Variants in CYTH4 observed in about 807,000 individuals in gnomAD.
The protein encoded by CYTH4 is cytohesin 4, also known as cytohesin-4.
Under a neutral mutation model 57.5 loss-of-function variants are expected in CYTH4, and 22 were observed. The ratio of observed to expected loss-of-function variants is 0.38; its 90% CI spans 0.27 to 0.55. CYTH4 has a LOEUF of 0.55. CYTH4 is among the 20% of genes least tolerant of loss of function. The pLI is 0.74. For missense variants in CYTH4, 420 were observed against 535.6 expected (o/e 0.78, Z 2.13); for synonymous variants, 186 against 206.5 (o/e 0.90, Z 0.85).
At position 37,295,995 on chromosome 22, in the gene CYTH4, A is replaced by G. The variant is rs904789653; in HGVS notation, c.168-4A>G. ...AGCCCAAGCTGACGTCCTCATGTCC[A>G]CAGCCGGATGGCCCAGAAGGAGAAG... On this transcript the variant is annotated splice_region_variant and splice_polypyrimidine_tract_variant and intron_variant, in intron 3 of 12. Coordinates refer to ENST00000248901, the MANE Select transcript of CYTH4 (RefSeq NM_013385.5). The surrounding 1 kb of genome is among the most constrained non-coding windows in gnomAD (Gnocchi z 4.1). The G allele has an allele frequency of 6.2e-7, 1 of 1,612,326 alleles. No individual in the cohort carries two copies. The highest frequency in any genetic ancestry group is 2.2e-5 in the East Asian group (1 of 44,836).
At chr22:37,293,313 T>C (rs959827628) in intron 2 of CYTH4, among the ~76,000 whole-genome samples, 2 of 152,224 alleles carry the variant, frequency 1.3e-5, no homozygotes, top group African/African-American at 2.4e-5. Flanking sequence ...TGCTGTTTCA[T>C]TGAGCACCTA....
At chr22:37,288,664 G>C (rs116695801) in intron 1 of CYTH4, among the ~76,000 whole-genome samples, 1 of 152,020 alleles carries the variant, frequency 6.6e-6, no homozygotes, top group Non-Finnish European at 1.5e-5. Context: ...CCCTCAGCTC[G>C]TAGACCCTTG....
intron 7 of CYTH4, among the ~76,000 whole-genome samples, chr22:37,301,682 C>CTTTT (rs71798839): frequency 6.0e-5 from 3 of 50,346 alleles, no homozygotes; most frequent in African/African-American, 1.4e-4. Context: ...CCACTCAATC[C>CTTTT]TTTTTTTTTT....
chr22:37,311,491 C>A lies in CYTH4; in HGVS notation c.921C>A (p.Asn307Lys). 1 of 1,614,104 alleles carries A rather than the reference C, an allele frequency of 6.2e-7. No homozygotes were observed. The highest frequency in any genetic ancestry group is 8.5e-7 in the Non-Finnish European group (1 of 1,180,024). ...CACGGGGAATTATACCTCTTGAGAA[C>A]CTCTCGGTGCAGAAGGTGGATGACC... Reference protein sequence around the residue: ...KEPRGIIPLENLSVQKVDDPK... With the variant: ...KEPRGIIPLEKLSVQKVDDPK... The change falls in exon 11 of 13, where the codon AAC becomes AAA. Residue 307 changes from asparagine to lysine, a missense_variant. Physicochemically the swap from Asn to Lys is moderately conservative, Grantham distance 94. Coordinates refer to ENST00000248901, the MANE Select transcript of CYTH4 (RefSeq NM_013385.5). This position sits in a 1 kb window ranked among gnomAD's most constrained non-coding sequence, Gnocchi z 4.4.
In CYTH4 at chr22:37,309,277, T is replaced by C. The variant is rs145053771; in HGVS notation, c.762T>C (p.Thr254=). 571 of 1,613,964 alleles carry C rather than the reference T, an allele frequency of 3.5e-4. No individual in the cohort carries two copies. Among genetic ancestry groups the C allele is most frequent in the Non-Finnish European group, 4.6e-4 (537 of 1,179,982 alleles). ...SIPEDDGNDL[T]HTFFNPDREG... is the part of the protein sequence containing the mutation. ...CTGAGGACGACGGCAATGACCTCAC[T>C]CACACCTTCTTCAATCCAGACCGGG... Residue 254 remains threonine, a synonymous_variant, in exon 9 of 13, where the codon ACT becomes ACC. Transcript: ENST00000248901.
intron 8 of CYTH4, chr22:37,304,339 G>A (rs746247190): frequency 2.0e-5 from 9 of 450,756 alleles, no homozygotes; most frequent in Middle Eastern, 3.9e-4. Context: ...GAGGGTCCAG[G>A]GCTTCCAATG....
chr22:37,308,401 C>A (rs1929480905), intron 8 of CYTH4, among the ~76,000 whole-genome samples: 1 of 150,966 alleles, frequency 6.6e-6, no homozygotes, highest in African/African-American at 2.4e-5. Flanking sequence ...AGTGTGCATG[C>A]ATGTATAAGA....
At chr22:37,308,968 G>GAGGGA (rs1929531180) in intron 8 of CYTH4, among the ~76,000 whole-genome samples, 1 of 152,128 alleles carries the variant, frequency 6.6e-6, no homozygotes, top group South Asian at 2.1e-4. Flanking sequence ...CAGTAGCACA[G>GAGGGA]AGGGAAGCAT....
In CYTH4 at chr22:37,312,263, G is replaced by A. The variant is rs964457326; in HGVS notation, c.1112+89G>A. 6.6e-6 allele frequency: 10 copies of A among 1,522,286 alleles called. No homozygotes were observed. In the African/African-American group the frequency reaches 1.1e-4, roughly 17 times the overall value. 94.3% of individuals were successfully genotyped at this position (1,522,286 alleles called of 1,614,324 possible). A position where few individuals can be genotyped will look rare whatever the true frequency, so the allele number is the denominator to read the frequency against. Reference sequence around the variant, plus strand: ...GGTCTTGCTTCCTTATCTGTAAAGGGGCTAACTCCAGTCTCTCCCTCCTGT... The same window carrying A: ...GGTCTTGCTTCCTTATCTGTAAAGGAGCTAACTCCAGTCTCTCCCTCCTGT... On this transcript the variant is annotated intron_variant, in intron 12 of 12. Coordinates refer to ENST00000248901, the MANE Select transcript of CYTH4 (RefSeq NM_013385.5).
In CYTH4 at chr22:37,311,140, A is replaced by C. The variant is rs1929625662; in HGVS notation, c.885+76A>C. On this transcript the variant is annotated intron_variant, in intron 10 of 12. Coordinates refer to ENST00000248901, the MANE Select transcript of CYTH4 (RefSeq NM_013385.5). The surrounding 1 kb of genome is among the most constrained non-coding windows in gnomAD (Gnocchi z 4.4). ...ACCCACTTCCCAACTCCCACTGAGC[A>C]GTCGACTCACACAGCTTTGGATCCT... 1 of 1,488,880 alleles carries C rather than the reference A, an allele frequency of 6.7e-7. No homozygotes were observed. The highest frequency in any genetic ancestry group is 9.4e-7 in the Non-Finnish European group (1 of 1,068,912). The allele number at this position is 1,488,880 out of a possible 1,614,324, so 92.2% of individuals were successfully genotyped here.
intron 5 of CYTH4, 123 bp downstream of exon 5, chr22:37,297,805 G>T (rs1345714691): frequency 1.3e-6 from 1 of 776,162 alleles, no homozygotes; most frequent in Non-Finnish European, 2.2e-6. Context: ...GTGCTTGAGG[G>T]GCTCACGGAT....
chr22:37,292,128 A>G (rs1329674545), intron 1 of CYTH4: 1 of 153,370 alleles, frequency 6.5e-6, no homozygotes, highest in Non-Finnish European at 1.5e-5. Flanking sequence ...GGCCAATGGG[A>G]TGTGAGGAAA....
chr22:37,300,885 C>G, intron 6 of CYTH4, 22 bp from the exon 7 acceptor site: 1 of 1,606,176 alleles, frequency 6.2e-7, no homozygotes, highest in Non-Finnish European at 8.5e-7. Flanking sequence ...CTCCACTGCC[C>G]GTGGCCCCGT....
chr22:37,292,574 G>A (rs1387227249), intron 1 of CYTH4, 47 bp from the exon 2 acceptor site: 1 of 1,597,332 alleles, frequency 6.3e-7, no homozygotes, highest in East Asian at 2.2e-5. Context: ...GGGCAAGTGG[G>A]TGTGGCTGGA....
chr22:37,311,996 C>G lies in CYTH4; in HGVS notation c.958-24C>G, dbSNP rs752970658. On this transcript the variant is annotated intron_variant, in intron 11 of 12. Coordinates refer to ENST00000248901, the MANE Select transcript of CYTH4 (RefSeq NM_013385.5). The surrounding 1 kb of genome is among the most constrained non-coding windows in gnomAD (Gnocchi z 4.4). ...CCACCCAGCCTCCCTCTCTTCCCAC[C>G]CTTGCCTGGCCACCTCCCCACAGTT... The G allele has an allele frequency of 6.2e-7, 1 of 1,606,534 alleles. No homozygotes were observed. Among genetic ancestry groups the G allele is most frequent in the African/African-American group, 1.3e-5 (1 of 74,946 alleles).
chr22:37,285,850 G>A (rs935902115), intron 1 of CYTH4, among the ~76,000 whole-genome samples: 1 of 152,222 alleles, frequency 6.6e-6, no homozygotes, highest in Non-Finnish European at 1.5e-5. Context: ...GTAAGACACA[G>A]CAAGCCCGGG....
rs1929049255 is a variant in CYTH4 at position 37,298,297 on chromosome 22, T to A, written c.353+615T>A. 2 of 151,596 alleles carry A rather than the reference T, an allele frequency of 1.3e-5. No individual in the cohort carries two copies. Among genetic ancestry groups the A allele is most frequent in the South Asian group, 3.8e-4 (2 of 5,246 alleles). 9.4% of individuals were successfully genotyped at this position (151,596 alleles called of 1,614,324 possible). On this transcript the variant is annotated intron_variant, in intron 5 of 12. Transcript: ENST00000248901. The surrounding 1 kb of genome is among the most constrained non-coding windows in gnomAD (Gnocchi z 4.1). ...CAGGGGAATCGCTTGAGCCTGGGAG[T>A]CGGAGGTTGTAGTGAGCCAAGATCA... is the stretch of plus-strand genomic sequence containing the variant.
At chr22:37,284,483 G>A (rs1033749555) in intron 1 of CYTH4, among the ~76,000 whole-genome samples, 1 of 152,196 alleles carries the variant, frequency 6.6e-6, no homozygotes, top group Non-Finnish European at 1.5e-5. Context: ...GGAGGCCAGA[G>A]GGAGGGAGAA....
Position 37,295,896 on chromosome 22 carries a change from C to A in CYTH4, c.168-103C>A. On this transcript the variant is annotated intron_variant, in intron 3 of 12. Coordinates refer to ENST00000248901, the MANE Select transcript of CYTH4 (RefSeq NM_013385.5). The surrounding 1 kb of genome is among the most constrained non-coding windows in gnomAD (Gnocchi z 4.1). ...GGACCCGGAGGCCACACTTGGAGGG[C>A]CCTAGAGGGGTATGGGCTCCTGCTG... 8.1e-7 allele frequency: 1 copy of A among 1,236,596 alleles called. No homozygotes were observed. The highest frequency in any genetic ancestry group is 1.2e-6 in the Non-Finnish European group (1 of 861,804). The allele number at this position is 1,236,596 out of a possible 1,614,324, so 76.6% of individuals were successfully genotyped here.
Sources: gnomAD v4.1 joint callset for allele counts (sites outside exome capture counted in the v4.1 genomes callset) on GRCh38, gnomAD v4.1.1 for gene constraint, Gnocchi (gnomAD v3.1) non-coding constraint, MANE v1.5 for transcripts, NCBI Gene and HGNC (gene_info 2026-07-23, HGNC 2026-07-21) for gene names.